CFAP70: variants seen among roughly 807,000 people sequenced by gnomAD.
CFAP70 encodes the protein cilia and flagella associated protein 70.
CFAP70 carries 81 observed loss-of-function variants against 137.6 expected under a neutral mutation model. The observed-to-expected ratio is 0.59, with a 90% CI of 0.49 to 0.71. The LOEUF (loss-of-function observed/expected upper bound fraction) is 0.71. CFAP70 is among the 30% of genes least tolerant of loss of function. CFAP70 has a pLI of 0.00. For missense variants in CFAP70, 976 were observed against 1,226.7 expected, an observed-to-expected ratio of 0.80 and a Z score of 3.05; for synonymous variants, 382 against 423.6, an observed-to-expected ratio of 0.90 and a Z score of 1.20.
intron 25 of CFAP70, among the ~76,000 whole-genome samples, chr10:73,268,204 A>G (rs11000579): frequency 0.1 from 15,956 of 152,232 alleles, 1,190 homozygotes; most frequent in East Asian, 0.29. Flanking sequence ...ACCTAGCACA[A>G]AAGATTTCAT....
At chr10:73,343,332 A>G (rs950792387) in intron 5 of CFAP70, among the ~76,000 whole-genome samples, 3 of 152,158 alleles carry the variant, frequency 2.0e-5, no homozygotes, top group Non-Finnish European at 4.4e-5. Flanking sequence ...AGGAAATGTC[A>G]GACCCAGACA....
At chr10:73,305,982 A>G (rs1018463001) in intron 12 of CFAP70, among the ~76,000 whole-genome samples, 5 of 152,298 alleles carry the variant, frequency 3.3e-5, no homozygotes, top group Admixed American at 2.0e-4. Context: ...GAGTATCAGT[A>G]GAAACAGAAA....
intron 7 of CFAP70, among the ~76,000 whole-genome samples, chr10:73,334,580 G>A (rs1454210308): frequency 1.4e-5 from 2 of 147,328 alleles, no homozygotes; most frequent in African/African-American, 2.6e-5. Context: ...ACCAATTCTG[G>A]ACTCTTTTTT....
chr10:73,353,400 A>G (rs900647996), intron 3 of CFAP70, among the ~76,000 whole-genome samples, 156 bp downstream of exon 3: 1 of 152,180 alleles, frequency 6.6e-6, no homozygotes, highest in Non-Finnish European at 1.5e-5. Context: ...TTCACGTTTC[A>G]GTTCCTGCCT....
chr10:73,274,833 G>A, intron 22 of CFAP70: 1 of 476,726 alleles, frequency 2.1e-6, no homozygotes. Flanking sequence ...GCCATTTTGG[G>A]TGTGGAGTAA....
At chr10:73,316,481 G>GATATATATATATATATAT (rs1253458738) in intron 9 of CFAP70, among the ~76,000 whole-genome samples, 2 of 106,536 alleles carry the variant, frequency 1.9e-5, no homozygotes, top group Admixed American at 9.4e-5. Context: ...TATATATATA[G>GATATATATATATATATAT]ATATAGATAT....
At chr10:73,311,727 T>G in intron 11 of CFAP70, 107 bp downstream of exon 12, 1 of 923,052 alleles carries the variant, frequency 1.1e-6, no homozygotes, top group Non-Finnish European at 1.7e-6. Flanking sequence ...TGGGCAAATA[T>G]GGAATGATAA....
chr10:73,279,885 A>G (rs751786882), intron 19 of CFAP70, among the ~76,000 whole-genome samples: 1 of 151,926 alleles, frequency 6.6e-6, no homozygotes, highest in Non-Finnish European at 1.5e-5. Context: ...AAGAAAAATA[A>G]CCTTTAAAAA....
At chr10:73,288,553 T>C (rs2047923273) in intron 19 of CFAP70, among the ~76,000 whole-genome samples, 1 of 152,148 alleles carries the variant, frequency 6.6e-6, no homozygotes, top group Non-Finnish European at 1.5e-5. Context: ...TGCCAGCACT[T>C]GGGTTCATGG....
intron 7 of CFAP70, 21 bp downstream of exon 8, chr10:73,335,409 T>C: frequency 6.4e-7 from 1 of 1,556,688 alleles, no homozygotes; most frequent in Non-Finnish European, 8.8e-7. Flanking sequence ...GTTAGACATA[T>C]GTCCTTCCTC....
intron 8 of CFAP70, among the ~76,000 whole-genome samples, chr10:73,325,403 T>G (rs1374294431): frequency 6.6e-6 from 1 of 152,154 alleles, no homozygotes; most frequent in Admixed American, 6.5e-5. Context: ...TAAAGACCAT[T>G]GAGGCTAGGA....
intron 12 of CFAP70, among the ~76,000 whole-genome samples, chr10:73,308,215 C>CA (rs1268647557): frequency 6.6e-6 from 1 of 151,988 alleles, no homozygotes; most frequent in Non-Finnish European, 1.5e-5. Context: ...ACCTAACAGA[C>CA]ATATATAGAA....
intron 8 of CFAP70, among the ~76,000 whole-genome samples, chr10:73,329,068 T>C (rs1201203777): frequency 1.3e-5 from 2 of 151,908 alleles, no homozygotes; most frequent in African/African-American, 2.4e-5. Context: ...CTATTCACAA[T>C]AGCAAAGACT....
intron 4 of CFAP70, among the ~76,000 whole-genome samples, chr10:73,345,870 A>G (rs2053654788): frequency 6.6e-6 from 1 of 151,900 alleles, no homozygotes; most frequent in Non-Finnish European, 1.5e-5. Context: ...TTGCTAGTCT[A>G]TATTTTATGA....
chr10:73,353,873 A>T, intron 2 of CFAP70, 131 bp from the exon 3 acceptor site: 1 of 748,918 alleles, frequency 1.3e-6, no homozygotes, highest in Non-Finnish European at 2.2e-6. Flanking sequence ...CACAAATACA[A>T]AAGGAATAGG....
At position 73,316,481 on chromosome 10, in the gene CFAP70, GATATAGATAT is replaced by G. The variant is rs1331501272; in HGVS notation, c.913-3848_913-3839del. ...TTGTTGAGATATATATATATATATAGATATAGATATATATATATATATATATATATATGAC... is the reference window on the plus strand; with the variant it reads ...TTGTTGAGATATATATATATATATAGATATATATATATATATATATATGAC... On this transcript the variant is annotated intron_variant, in intron 9 of 26. Coordinates refer to ENST00000310715, the Ensembl canonical transcript of CFAP70. Among the ~76,000 whole-genome samples, 830 of 106,544 alleles carry G rather than the reference GATATAGATAT, an allele frequency of 7.8e-3. 11 individuals carry two copies. Among genetic ancestry groups the G allele is most frequent in the African/African-American group, 0.028 (779 of 28,052 alleles). 69.9% of individuals were successfully genotyped at this position (106,544 alleles called of 152,430 possible). A position where few individuals can be genotyped will look rare whatever the true frequency, so the allele number is the denominator to read the frequency against.
At chr10:73,336,535 AT>A (rs1407152171) in intron 6 of CFAP70, among the ~76,000 whole-genome samples, 2 of 150,998 alleles carry the variant, frequency 1.3e-5, no homozygotes, top group African/African-American at 2.4e-5. Context: ...TCAGTGGATT[AT>A]CAGCTCATTC....
chr10:73,321,985 T>G (rs1477042592), intron 9 of CFAP70, among the ~76,000 whole-genome samples: 2 of 152,194 alleles, frequency 1.3e-5, no homozygotes, highest in Admixed American at 1.3e-4. Flanking sequence ...GTTTTTGCCA[T>G]GTTGGCCAGG....
chr10:73,277,138 T>C, intron 21 of CFAP70, 102 bp downstream of exon 22: 1 of 1,390,756 alleles, frequency 7.2e-7, no homozygotes, highest in Admixed American at 2.3e-5. Flanking sequence ...CATATTTGAT[T>C]TCTGTTTCAC....
Sources: gnomAD v4.1 joint callset for allele counts (sites outside exome capture counted in the v4.1 genomes callset) on GRCh38, gnomAD v4.1.1 for gene constraint, MANE v1.5 for transcripts, NCBI Gene and HGNC (gene_info 2026-07-23, HGNC 2026-07-21) for gene names.